The following PHTF1 variants were observed in gnomAD, a reference collection of about 807,000 sequenced individuals.
The protein encoded by PHTF1 is protein PHTF1.
Under a neutral mutation model 102.4 loss-of-function variants are expected in PHTF1, and 88 were observed. The observed-to-expected ratio is 0.86, with a 90% CI of 0.72 to 1.03. PHTF1 has a LOEUF of 1.03. Ranked by LOEUF, PHTF1 falls within the 50% of genes least tolerant of loss-of-function variation. The pLI is 0.00. For synonymous variants in PHTF1, 289 were observed against 305.2 expected (o/e 0.95, Z 0.55); for missense variants, 814 against 909.5 (o/e 0.89, Z 1.35).
intron 6 of PHTF1, among the ~76,000 whole-genome samples, chr1:113,726,196 A>T (rs968470902): frequency 1.3e-5 from 2 of 152,198 alleles, no homozygotes; most frequent in African/African-American, 2.4e-5. Flanking sequence ...TTCCTTTTAA[A>T]CAACTGTACT....
chr1:113,724,513 C>G lies in PHTF1; in HGVS notation c.623+246G>C, dbSNP rs577637906. Among the ~76,000 whole-genome samples the G allele has an allele frequency of 2.8e-3, 424 of 149,304 alleles. 1 individual carries two copies. Among genetic ancestry groups the G allele is most frequent in the African/African-American group, 9.3e-3 (369 of 39,880 alleles). On this transcript the variant is annotated intron_variant, in intron 7 of 18. Coordinates refer to ENST00000369604, the MANE Select transcript of PHTF1 (RefSeq NM_001323043.2). ...CCAAGATCGTGCCATTGCACTCCAG[C>G]CTGGGTGAGAGAATGAGACTCCATT...
rs2101750409 is a variant in PHTF1, at chr1:113,757,717, G to A, written c.84C>T (p.Ile28=). The A allele has an allele frequency of 1.2e-6, 2 of 1,607,204 alleles. No homozygotes were observed. Among genetic ancestry groups the A allele is most frequent in the Non-Finnish European group, 1.7e-6 (2 of 1,173,730 alleles). ...AYDQQIWEKS[I]EQTQIKGLKN... Reference sequence around the variant, plus strand: ...AATTTACCTTAATCTGAGTCTGTTCGATTGACTTTTCCCATATCTGCTGAT... The same window carrying A: ...AATTTACCTTAATCTGAGTCTGTTCAATTGACTTTTCCCATATCTGCTGAT... The change falls in exon 3 of 19, where the codon ATC becomes ATT. Residue 28 remains isoleucine (I), a synonymous_variant. Coordinates refer to ENST00000369604, the MANE Select transcript of PHTF1 (RefSeq NM_001323043.2).
At chr1:113,755,771 A>C (rs1011225565) in intron 3 of PHTF1, among the ~76,000 whole-genome samples, 4 of 152,158 alleles carry the variant, frequency 2.6e-5, no homozygotes, top group African/African-American at 9.7e-5. Flanking sequence ...GAAGGAAATC[A>C]GGCAGGGCGC....
chr1:113,700,895 T>G lies in PHTF1; in HGVS notation c.1945A>C (p.Ile649Leu). ...LNDAYNWEFL[I>L]WETALLLFLL... Reference sequence around the variant, plus strand: ...AAAAGTAGTAAAGCTGTTTCCCAGATCAAAAACTCCCAGTTATAAGCATCA... The same window carrying G: ...AAAAGTAGTAAAGCTGTTTCCCAGAGCAAAAACTCCCAGTTATAAGCATCA... The change falls in exon 16 of 19, where the codon ATC becomes CTC. Residue 649 changes from isoleucine to leucine, a missense_variant. Ile to Leu is a conservative substitution (Grantham distance 5). Coordinates refer to ENST00000369604, the MANE Select transcript of PHTF1 (RefSeq NM_001323043.2). The G allele has an allele frequency of 6.2e-7, 1 of 1,613,162 alleles. No individual in the cohort carries two copies.
intron 7 of PHTF1, among the ~76,000 whole-genome samples, chr1:113,722,387 C>T (rs561492849): frequency 1.3e-5 from 2 of 151,578 alleles, no homozygotes; most frequent in South Asian, 2.1e-4. Flanking sequence ...TGCAGTGAGC[C>T]GAGATCATGC....
chr1:113,747,103 C>T (rs1229387132), intron 3 of PHTF1, among the ~76,000 whole-genome samples: 1 of 152,168 alleles, frequency 6.6e-6, no homozygotes. Context: ...GCAAGACATA[C>T]TACACACTAT....
At chr1:113,753,550 CCT>C (rs1323316859) in intron 3 of PHTF1, among the ~76,000 whole-genome samples, 6 of 152,066 alleles carry the variant, frequency 3.9e-5, no homozygotes, top group Admixed American at 6.5e-5. Flanking sequence ...GCCTCAGCCC[CCT>C]GAGTAGGTGG....
intron 5 of PHTF1, among the ~76,000 whole-genome samples, chr1:113,736,573 C>T (rs1243765304): frequency 6.6e-6 from 1 of 151,674 alleles, no homozygotes; most frequent in East Asian, 1.9e-4. Flanking sequence ...GGTGAAACCC[C>T]ATGTCTACTA....
At chr1:113,705,081 A>G (rs1435892735) in intron 13 of PHTF1, among the ~76,000 whole-genome samples, 1 of 152,204 alleles carries the variant, frequency 6.6e-6, no homozygotes, top group African/African-American at 2.4e-5. Flanking sequence ...TGGATCCACT[A>G]CTTCACAAAC....
At chr1:113,755,331 A>G (rs562576336) in intron 3 of PHTF1, among the ~76,000 whole-genome samples, 1 of 152,312 alleles carries the variant, frequency 6.6e-6, no homozygotes, top group African/African-American at 2.4e-5. Context: ...TCCCATCACT[A>G]TCAGACTGTG....
Position 113,706,740 on chromosome 1 carries a change from A to G in PHTF1, c.1270-18T>C. Reference sequence around the variant, plus strand: ...AAATGATTCTGAGAAGAAAAATATAAAATTGTTTCTATCCATGCCCTCTTG... The same window carrying G: ...AAATGATTCTGAGAAGAAAAATATAGAATTGTTTCTATCCATGCCCTCTTG... On this transcript the variant is annotated intron_variant, in intron 11 of 18. Coordinates refer to ENST00000369604, the MANE Select transcript of PHTF1 (RefSeq NM_001323043.2). The G allele has an allele frequency of 1.3e-6, 2 of 1,582,186 alleles. No homozygotes were observed. Among genetic ancestry groups the G allele is most frequent in the Non-Finnish European group, 1.7e-6 (2 of 1,163,400 alleles).
intron 17 of PHTF1, chr1:113,699,079 C>G (rs773393079): frequency 1.2e-5 from 2 of 161,492 alleles, no homozygotes; most frequent in Non-Finnish European, 1.3e-5. Flanking sequence ...AGCGCAGTCC[C>G]CAGTCAAAGT....
At chr1:113,734,808 A>G (rs1017960055) in intron 5 of PHTF1, among the ~76,000 whole-genome samples, 2 of 152,146 alleles carry the variant, frequency 1.3e-5, no homozygotes, top group Non-Finnish European at 2.9e-5. Flanking sequence ...GGCCTTATAA[A>G]ATGACTCCTA....
At chr1:113,715,603 G>A (rs1385673606) in intron 7 of PHTF1, among the ~76,000 whole-genome samples, 1 of 114,822 alleles carries the variant, frequency 8.7e-6, no homozygotes, top group Non-Finnish European at 1.6e-5. Context: ...AGCCGAGATT[G>A]TACCATTGCA....
intron 15 of PHTF1, among the ~76,000 whole-genome samples, chr1:113,701,482 TAAAGA>T (rs1649432461): frequency 1.3e-5 from 2 of 152,098 alleles, no homozygotes; most frequent in African/African-American, 4.8e-5. Context: ...GATTTAAAAG[TAAAGA>T]AATTTACTCA....
chr1:113,718,813 G>A (rs780047908), intron 7 of PHTF1, among the ~76,000 whole-genome samples: 9 of 152,172 alleles, frequency 5.9e-5, no homozygotes, highest in Non-Finnish European at 1.2e-4. Context: ...CCCTGGGTCC[G>A]GCCCACGAAA....
intron 5 of PHTF1, among the ~76,000 whole-genome samples, chr1:113,735,667 G>A (rs563628316): frequency 2.6e-4 from 40 of 152,150 alleles, no homozygotes; most frequent in African/African-American, 4.3e-4. Context: ...CAGCACAGAC[G>A]CGGAACATTT....
At chr1:113,758,537 T>A in intron 2 of PHTF1, 122 bp downstream of exon 2, 1 of 444,652 alleles carries the variant, frequency 2.2e-6, no homozygotes, top group Non-Finnish European at 3.9e-6. Context: ...TTTTCATTTA[T>A]GTTGAAGTAT....
chr1:113,755,953 A>G (rs1172820385), intron 3 of PHTF1, among the ~76,000 whole-genome samples: 19 of 151,488 alleles, frequency 1.3e-4, no homozygotes, highest in Admixed American at 4.6e-4. Flanking sequence ...TGTAGTCCCA[A>G]CTACTCGGGA....
Sources: allele counts gnomAD v4.1 joint callset (sites outside exome capture counted in the v4.1 genomes callset), GRCh38; gene constraint gnomAD v4.1.1; transcripts MANE v1.5; gene names NCBI Gene and HGNC (gene_info 2026-07-23, HGNC 2026-07-21).